DHRS4L2: variants seen among roughly 807,000 people sequenced by gnomAD.
DHRS4L2 encodes the protein dehydrogenase/reductase 4 like 2.
Under a neutral mutation model 23.9 loss-of-function variants are expected in DHRS4L2, and 22 were observed. That is an observed-to-expected ratio of 0.92 (90% CI 0.66 to 1.31). The LOEUF is 1.31. Among genes scored for constraint, DHRS4L2 ranks in the 40% most tolerant of loss-of-function variants. The pLI, the probability that DHRS4L2 is intolerant of heterozygous loss-of-function variation, is 0.00. For missense variants in DHRS4L2, 385 were observed against 303.3 expected, an observed-to-expected ratio of 1.27 and a Z score of -2.00; for synonymous variants, 141 against 123.7, an observed-to-expected ratio of 1.14 and a Z score of -0.93.
At chr14:23,986,139 G>A (rs1277105518), upstream of DHRS4L2, among the ~76,000 whole-genome samples, 2 of 151,526 alleles carry the variant, frequency 1.3e-5, no homozygotes, top group African/African-American at 4.8e-5. Context: ...TTACAGGCAT[G>A]AGCCACCATG....
chr14:23,973,257 A>G (rs1284890423), intron 1 of DHRS4L2, among the ~76,000 whole-genome samples: 1 of 151,984 alleles, frequency 6.6e-6, no homozygotes. Context: ...TCAAGGGCAG[A>G]GGTCCCTGTG....
intron 1 of DHRS4L2, among the ~76,000 whole-genome samples, chr14:23,971,764 A>C (rs531708176): frequency 6.6e-6 from 1 of 152,246 alleles, no homozygotes; most frequent in African/African-American, 2.4e-5. Flanking sequence ...AATCCTTTGC[A>C]GACAAGGAGA....
intron 3 of DHRS4L2, among the ~76,000 whole-genome samples, chr14:23,995,500 AC>A (rs1594471497): frequency 1.3e-5 from 2 of 152,008 alleles, no homozygotes; most frequent in East Asian, 3.9e-4. Flanking sequence ...TTTTCAGCTG[AC>A]AAAAACTAAT....
chr14:23,993,396 A>G (rs1297180173), intron 2 of DHRS4L2, among the ~76,000 whole-genome samples: 1 of 151,764 alleles, frequency 6.6e-6, no homozygotes, highest in Non-Finnish European at 1.5e-5. Flanking sequence ...CTTAGCACCT[A>G]GTTAACAAGA....
rs962542669 is a variant in DHRS4L2 at position 24,006,150 on chromosome 14, C to G, written c.*287C>G. On this transcript the variant is annotated 3_prime_UTR_variant, in exon 8 of 8. Coordinates refer to ENST00000335125, the MANE Select transcript of DHRS4L2 (RefSeq NM_198083.4). Reference sequence around the variant, plus strand: ...TGTGAAAAGATCCAGCCTTCCCTGCCGTCAAGGTGGCGTCTTACTCGGGAT... The same window carrying G: ...TGTGAAAAGATCCAGCCTTCCCTGCGGTCAAGGTGGCGTCTTACTCGGGAT... 2.2e-5 allele frequency: 29 copies of G among 1,330,056 alleles called. No individual in the cohort carries two copies. Among genetic ancestry groups the G allele is most frequent in the African/African-American group, 6.1e-5 (4 of 66,038 alleles). 82.4% of individuals were successfully genotyped at this position (1,330,056 alleles called of 1,614,324 possible).
At position 23,978,146 on chromosome 14, in the gene DHRS4L2, A is replaced by G. The variant is rs931681161; in HGVS notation, c.-176+7814A>G. On this transcript the variant is annotated intron_variant, in intron 1 of 5. Coordinates refer to the DHRS4L2 transcript ENST00000534993. ...TCTTTTTTAAGGTAATTTGACCATC[A>G]TAGCCATCAATTTAAAACTTTGGCC... Among the ~76,000 whole-genome samples the G allele has an allele frequency of 7.9e-5, 12 of 151,514 alleles. 1 individual carries two copies. Among genetic ancestry groups the G allele is most frequent in the Non-Finnish European group, 1.6e-4 (11 of 67,982 alleles).
chr14:23,990,954 T>C (rs143973522), intron 2 of DHRS4L2: 25,011 of 842,612 alleles, frequency 0.03, 722 homozygotes, highest in Non-Finnish European at 0.033. Context: ...GACTACCAGG[T>C]ACTGGACTTC....
upstream of DHRS4L2, among the ~76,000 whole-genome samples, chr14:23,984,256 C>G (rs2034102090): frequency 6.6e-6 from 1 of 151,498 alleles, no homozygotes; most frequent in South Asian, 2.1e-4. Flanking sequence ...GAAGAGTTAC[C>G]TTTTACTTTT....
At chr14:23,973,378 C>A (rs1021184551) in intron 1 of DHRS4L2, among the ~76,000 whole-genome samples, 2 of 151,924 alleles carry the variant, frequency 1.3e-5, no homozygotes, top group African/African-American at 4.8e-5. Context: ...CTCCACACCT[C>A]CCTGCAATCT....
chr14:23,973,260 T>C (rs2033899524), intron 1 of DHRS4L2, among the ~76,000 whole-genome samples: 1 of 151,820 alleles, frequency 6.6e-6, no homozygotes, highest in African/African-American at 2.4e-5. Flanking sequence ...AGGGCAGAGG[T>C]CCCTGTGGCT....
Position 24,006,054 on chromosome 14 carries a change from C to A in DHRS4L2, c.*191C>A, listed in dbSNP as rs2034572457. On this transcript the variant is annotated 3_prime_UTR_variant, in exon 8 of 8. Coordinates refer to ENST00000335125, the MANE Select transcript of DHRS4L2 (RefSeq NM_198083.4). The stretch of plus-strand genomic sequence containing the variant: ...TTGGGCTCTAGCTCCTGGTGCTGTT[C>A]CTGCATTCACCCACTGGCCTTTCCC... 9 of 1,596,028 alleles carry A rather than the reference C, an allele frequency of 5.6e-6. No individual in the cohort carries two copies. The East Asian group carries it at 2.1e-4, about 37-fold the overall frequency.
chr14:23,993,670 T>C (rs1257554608), intron 2 of DHRS4L2, among the ~76,000 whole-genome samples: 1 of 151,690 alleles, frequency 6.6e-6, no homozygotes, highest in Non-Finnish European at 1.5e-5. Flanking sequence ...GGAGGTGAGA[T>C]GTTGCCTTTC....
chr14:23,970,270 C>A (rs1225421776), exon 1 of DHRS4L2: 23 of 451,252 alleles, frequency 5.1e-5, no homozygotes, highest in East Asian at 2.8e-4. Flanking sequence ...AAGGCAGCCC[C>A]TGCATCTCAG....
At chr14:24,005,589 C>T (rs1594480850) in intron 7 of DHRS4L2, among the ~76,000 whole-genome samples, 4 of 152,100 alleles carry the variant, frequency 2.6e-5, no homozygotes, top group African/African-American at 9.7e-5. Context: ...TAATTAATTG[C>T]TCACCATTTT....
At chr14:23,995,006 G>A (rs760993500) in intron 2 of DHRS4L2, 26 bp from the exon 3 acceptor site, 1 of 1,611,708 alleles carries the variant, frequency 6.2e-7, no homozygotes, top group Admixed American at 1.7e-5. Flanking sequence ...CTGCAGCCCT[G>A]GTCCAGACCT....
intron 1 of DHRS4L2, among the ~76,000 whole-genome samples, chr14:23,978,931 A>G (rs2034012904): frequency 6.9e-6 from 1 of 144,644 alleles, no homozygotes; most frequent in Admixed American, 6.9e-5. Context: ...GACAGGATCA[A>G]ATTCACACAT....
chr14:23,982,160 A>C (rs10137720), intron 1 of DHRS4L2, among the ~76,000 whole-genome samples: 84,339 of 151,208 alleles, frequency 0.56, 26,604 homozygotes, highest in East Asian at 0.86. Context: ...TTGGACAGTA[A>C]CCAGCGTTGC....
At chr14:23,991,265 T>G (rs1191772514) in intron 2 of DHRS4L2, among the ~76,000 whole-genome samples, 2 of 151,692 alleles carry the variant, frequency 1.3e-5, no homozygotes, top group African/African-American at 4.8e-5. Flanking sequence ...TGGCAGACAC[T>G]CAAATGTGCA....
intron 6 of DHRS4L2, among the ~76,000 whole-genome samples, 199 bp from the exon 7 acceptor site, chr14:24,004,138 C>G (rs543490955): frequency 1.4e-5 from 2 of 146,714 alleles, no homozygotes; most frequent in Admixed American, 6.7e-5. Flanking sequence ...GGCGCAGTGG[C>G]GGGCGCCTGT....
Sources: allele counts gnomAD v4.1 joint callset (sites outside exome capture counted in the v4.1 genomes callset), GRCh38; gene constraint gnomAD v4.1.1; transcripts MANE v1.5; gene names NCBI Gene and HGNC (gene_info 2026-07-23, HGNC 2026-07-21).